ZFP69: variants seen among roughly 807,000 people sequenced by gnomAD.
ZFP69 encodes the protein ZFP69 zinc finger protein.
ZFP69 carries 35 observed loss-of-function variants against 48.9 expected under a neutral mutation model. The observed-to-expected ratio is 0.72, with a 90% CI of 0.55 to 0.95. ZFP69 has a LOEUF of 0.95. ZFP69 is among the 40% of genes least tolerant of loss of function. The pLI is 0.00. For missense variants in ZFP69, 557 were observed against 638.4 expected, an observed-to-expected ratio of 0.87 and a Z score of 1.37; for synonymous variants, 193 against 216.8, an observed-to-expected ratio of 0.89 and a Z score of 0.96.
At chr1:40,482,001 CT>C in intron 3 of ZFP69, 147 bp downstream of exon 3, 1 of 471,934 alleles carries the variant, frequency 2.1e-6, no homozygotes, top group Non-Finnish European at 3.6e-6. Flanking sequence ...GCAAGTTGTC[CT>C]TTTACAGAAA....
chr1:40,494,459 G>A (rs1450355858), intron 5 of ZFP69, among the ~76,000 whole-genome samples: 2 of 145,272 alleles, frequency 1.4e-5, no homozygotes, highest in Non-Finnish European at 3.0e-5. Context: ...TAGTAGAGAC[G>A]GGGTTTCACC....
rs776824738 is a variant in ZFP69 at position 40,495,438 on chromosome 1, C to T, written c.960C>T (p.Ile320=). The T allele has an allele frequency of 8.7e-6, 14 of 1,613,956 alleles. No homozygotes were observed. The highest frequency in any genetic ancestry group is 1.3e-5 in the African/African-American group (1 of 74,916). The change falls in exon 6 of 6, where the codon ATC becomes ATT. Residue 320 remains isoleucine (I), a synonymous_variant. Coordinates refer to ENST00000372706, the MANE Select transcript of ZFP69 (RefSeq NM_001320179.2). ...CATCCCTCAGTACACACCAGAGAAT[C>T]CATACTGGTGAGAAACCCTTTGAAT... ...QSASLSTHQR[I]HTGEKPFECE...
chr1:40,494,989 C>T lies in ZFP69; in HGVS notation c.511C>T (p.His171Tyr). The change falls in exon 6 of 6, where the codon CAT (histidine) becomes TAT (tyrosine). Residue 171 changes from histidine (H) to tyrosine (Y), a missense_variant. By Grantham distance (83) the His-to-Tyr change is moderately conservative (BLOSUM62 2). Transcript: ENST00000372706. ...KSTISQERLY[H>Y]GIMMESFMRD... ...TACCATTTCACAGGAGCGCTTATAT[C>T]ATGGCATTATGATGGAAAGTTTCAT... The T allele has an allele frequency of 6.2e-7, 1 of 1,613,816 alleles. No homozygotes were observed. Among genetic ancestry groups the T allele is most frequent in the Non-Finnish European group, 8.5e-7 (1 of 1,179,930 alleles).
intron 5 of ZFP69, among the ~76,000 whole-genome samples, chr1:40,491,874 A>G (rs952160090): frequency 2.6e-5 from 4 of 151,154 alleles, no homozygotes; most frequent in African/African-American, 9.7e-5. Flanking sequence ...GCAAATGTTT[A>G]CTCTAGGTCA....
chr1:40,494,724 A>AAT lies in ZFP69; in HGVS notation c.443-181_443-180dup, dbSNP rs34727760. On this transcript the variant is annotated intron_variant, in intron 5 of 5. Coordinates refer to ENST00000372706, the MANE Select transcript of ZFP69 (RefSeq NM_001320179.2). ...ATTATATATATATAAATATATATCAAATATATATATATATATAAAATGACA... is the reference window on the plus strand; with the variant it reads ...ATTATATATATATAAATATATATCAAATATATATATATATATATAAAATGACA... 5.2e-3 allele frequency among the ~76,000 whole-genome samples: 741 copies of AAT among 143,662 alleles called. 7 individuals carry two copies. The highest frequency in any genetic ancestry group is 0.015 in the Middle Eastern group (4 of 274). 94.2% of individuals were successfully genotyped at this position (143,662 alleles called of 152,430 possible).
intron 5 of ZFP69, among the ~76,000 whole-genome samples, chr1:40,489,830 G>C (rs145137467): frequency 2.0e-5 from 3 of 151,552 alleles, no homozygotes; most frequent in Non-Finnish European, 4.4e-5. Flanking sequence ...TGGAGCATGA[G>C]AGTGAAGGAG....
intron 3 of ZFP69, among the ~76,000 whole-genome samples, chr1:40,488,383 C>T (rs925772190): frequency 7.9e-5 from 12 of 152,166 alleles, no homozygotes. Flanking sequence ...GGCATTTGAG[C>T]TTAGGAAGGG....
intron 2 of ZFP69, 71 bp downstream of exon 2, chr1:40,479,559 TTGAAG>T (rs1645424215): frequency 6.8e-7 from 1 of 1,481,376 alleles, no homozygotes; most frequent in East Asian, 2.5e-5. Flanking sequence ...ACACACTTCA[TTGAAG>T]TGGAGAGAAG....
intron 3 of ZFP69, among the ~76,000 whole-genome samples, chr1:40,482,991 CACTT>C (rs1645457213): frequency 1.3e-5 from 2 of 152,220 alleles, no homozygotes; most frequent in South Asian, 4.1e-4. Context: ...ACCTAATTAA[CACTT>C]ACGGAACACT....
At chr1:40,485,562 C>A (rs1645488479) in intron 3 of ZFP69, among the ~76,000 whole-genome samples, 2 of 152,218 alleles carry the variant, frequency 1.3e-5, no homozygotes, top group South Asian at 4.1e-4. Context: ...TCATATTTAT[C>A]CATTTAGGCA....
intron 5 of ZFP69, chr1:40,491,094 A>G (rs1645563289): frequency 6.6e-6 from 1 of 152,220 alleles, no homozygotes; most frequent in African/African-American, 2.4e-5. Context: ...GTGTATACAT[A>G]CTAAACAATA....
chr1:40,478,830 C>CCA (rs1436753372), intron 1 of ZFP69, among the ~76,000 whole-genome samples: 1 of 152,098 alleles, frequency 6.6e-6, no homozygotes, highest in African/African-American at 2.4e-5. Flanking sequence ...CCCTCTTAAA[C>CCA]CCCGTCTGTG....
intron 2 of ZFP69, among the ~76,000 whole-genome samples, chr1:40,480,244 C>T (rs375403048): frequency 6.0e-5 from 9 of 150,474 alleles, no homozygotes; most frequent in African/African-American, 1.7e-4. Context: ...ACACAAGCGA[C>T]GGAAAACTTT....
intron 5 of ZFP69, among the ~76,000 whole-genome samples, chr1:40,489,889 GAGAC>G (rs1645547893): frequency 1.7e-5 from 1 of 59,228 alleles, no homozygotes; most frequent in Admixed American, 1.9e-4. Context: ...TTTTTTTTTT[GAGAC>G]AGAGTCTCGC....
At chr1:40,479,863 A>G (rs1645426856) in intron 2 of ZFP69, among the ~76,000 whole-genome samples, 1 of 152,170 alleles carries the variant, frequency 6.6e-6, no homozygotes, top group East Asian at 1.9e-4. Context: ...CCCCAACCCA[A>G]TATTTATCAC....
At chr1:40,480,459 A>T (rs12139707) in intron 2 of ZFP69, among the ~76,000 whole-genome samples, 17,400 of 151,636 alleles carry the variant, frequency 0.11, 1,468 homozygotes, top group Non-Finnish European at 0.16. Context: ...TACATATTTG[A>T]TAGCAGTTTT....
chr1:40,486,862 A>C (rs577453723), intron 3 of ZFP69, among the ~76,000 whole-genome samples: 1 of 152,036 alleles, frequency 6.6e-6, no homozygotes, highest in East Asian at 1.9e-4. Context: ...AATCTACTTT[A>C]AGCCCATCCA....
At chr1:40,494,355 G>A (rs1245199440) in intron 5 of ZFP69, among the ~76,000 whole-genome samples, 2 of 126,180 alleles carry the variant, frequency 1.6e-5, no homozygotes, top group Non-Finnish European at 3.2e-5. Flanking sequence ...TGCAAGCTCC[G>A]CCTCCCGGGT....
chr1:40,489,875 T>C (rs1213104458), intron 5 of ZFP69, among the ~76,000 whole-genome samples: 3 of 104,642 alleles, frequency 2.9e-5, no homozygotes, highest in Admixed American at 9.2e-5. Flanking sequence ...TCTTTTTTTT[T>C]TTTTTTTTTT....
Sources: gnomAD v4.1 joint callset for allele counts (sites outside exome capture counted in the v4.1 genomes callset) on GRCh38, gnomAD v4.1.1 for gene constraint, MANE v1.5 for transcripts, NCBI Gene and HGNC (gene_info 2026-07-23, HGNC 2026-07-21) for gene names.